DENND2A: variants seen among roughly 807,000 people sequenced by gnomAD.
DENND2A encodes DENN domain containing 2A.
Under a neutral mutation model 105.3 loss-of-function variants are expected in DENND2A, and 53 were observed. The ratio of observed to expected loss-of-function variants is 0.50; its 90% CI spans 0.40 to 0.63. The LOEUF (loss-of-function observed/expected upper bound fraction) is 0.63. DENND2A is among the 30% of genes least tolerant of loss of function. DENND2A has a pLI of 0.00. For missense variants in DENND2A, 1,138 were observed against 1,279.6 expected (o/e 0.89, Z 1.69); for synonymous variants, 522 against 508.4 (o/e 1.03, Z -0.36).
At chr7:140,593,704 C>T (rs1006295542) in intron 3 of DENND2A, among the ~76,000 whole-genome samples, 4 of 152,126 alleles carry the variant, frequency 2.6e-5, no homozygotes, top group African/African-American at 7.2e-5. Context: ...TTACTGCCTA[C>T]GTCTAACTAG....
At chr7:140,593,898 T>C (rs113149894) in intron 3 of DENND2A, among the ~76,000 whole-genome samples, 5,078 of 151,068 alleles carry the variant, frequency 0.034, 151 homozygotes, top group African/African-American at 0.084. Flanking sequence ...AACAAGCAAA[T>C]CTTTTTTTTT....
In DENND2A at chr7:140,568,169, C is replaced by T. The variant is rs180822717; in HGVS notation, c.1591+594G>A. Among the ~76,000 whole-genome samples the T allele has an allele frequency of 2.6e-5, 4 of 152,106 alleles. No homozygotes were observed. The East Asian group carries it at 5.8e-4, about 22-fold the overall frequency. On this transcript the variant is annotated intron_variant, in intron 8 of 19. Transcript: ENST00000496613. Reference sequence around the variant, plus strand: ...GTTGGCCAGGCTGGTCTTGAACTCCCGACCTTGTGATCCACCCGCCTCGGC... The same window carrying T: ...GTTGGCCAGGCTGGTCTTGAACTCCTGACCTTGTGATCCACCCGCCTCGGC...
At chr7:140,553,709 A>C (rs1176448057) in intron 12 of DENND2A, among the ~76,000 whole-genome samples, 3 of 152,218 alleles carry the variant, frequency 2.0e-5, no homozygotes, top group Non-Finnish European at 4.4e-5. Flanking sequence ...CTTAACGAGC[A>C]TGCTGCCTTC....
intron 12 of DENND2A, among the ~76,000 whole-genome samples, chr7:140,547,755 AGT>A (rs1195613392): frequency 6.6e-6 from 1 of 152,232 alleles, no homozygotes; most frequent in Non-Finnish European, 1.5e-5. Flanking sequence ...TAACTGATGA[AGT>A]GATAAACAAA....
intron 1 of DENND2A, among the ~76,000 whole-genome samples, chr7:140,610,356 G>A (rs1386790002): frequency 6.6e-6 from 1 of 151,012 alleles, no homozygotes; most frequent in Non-Finnish European, 1.5e-5. Context: ...TGGGTACTGC[G>A]GTCTACTCTC....
At chr7:140,556,050 A>G (rs1428483182) in intron 11 of DENND2A, among the ~76,000 whole-genome samples, 2 of 151,974 alleles carry the variant, frequency 1.3e-5, no homozygotes, top group Non-Finnish European at 2.9e-5. Flanking sequence ...ATGGAGTCTC[A>G]CTCTGTCACC....
intron 1 of DENND2A, among the ~76,000 whole-genome samples, chr7:140,608,282 GA>G (rs1799764517): frequency 6.6e-6 from 1 of 152,174 alleles, no homozygotes; most frequent in Non-Finnish European, 1.5e-5. Context: ...GAACCCCCCT[GA>G]ACACTCAGCA....
At chr7:140,609,128 G>A (rs937468073) in intron 1 of DENND2A, among the ~76,000 whole-genome samples, 1 of 152,122 alleles carries the variant, frequency 6.6e-6, no homozygotes, top group Non-Finnish European at 1.5e-5. Flanking sequence ...GAGAGATAAT[G>A]GTATGATTGA....
At chr7:140,573,724 T>C in intron 6 of DENND2A, 84 bp downstream of exon 6, 1 of 1,443,718 alleles carries the variant, frequency 6.9e-7, no homozygotes, top group Non-Finnish European at 9.5e-7. Flanking sequence ...CAGTGATGTA[T>C]TCTCCACCCA....
At chr7:140,597,030 G>C (rs1483044421) in intron 3 of DENND2A, among the ~76,000 whole-genome samples, 1 of 151,748 alleles carries the variant, frequency 6.6e-6, no homozygotes, top group African/African-American at 2.4e-5. Context: ...TAATTTCCTG[G>C]GGCTTTAAAG....
intron 1 of DENND2A, among the ~76,000 whole-genome samples, chr7:140,622,935 T>C (rs928888011): frequency 1.3e-5 from 2 of 152,194 alleles, no homozygotes; most frequent in African/African-American, 4.8e-5. Flanking sequence ...CTTTGGCTGC[T>C]AAGTAAACTA....
chr7:140,620,946 A>T (rs937695887), intron 1 of DENND2A, among the ~76,000 whole-genome samples: 1 of 152,334 alleles, frequency 6.6e-6, no homozygotes, highest in Non-Finnish European at 1.5e-5. Flanking sequence ...TGTCACTCAG[A>T]TATCAACATT....
At chr7:140,622,133 C>T (rs1306629987) in intron 1 of DENND2A, among the ~76,000 whole-genome samples, 1 of 152,128 alleles carries the variant, frequency 6.6e-6, no homozygotes, top group African/African-American at 2.4e-5. Context: ...CGTGGTGGCT[C>T]ATGCCTGTGA....
intron 2 of DENND2A, among the ~76,000 whole-genome samples, chr7:140,603,254 C>A (rs1186461078): frequency 6.6e-6 from 1 of 151,936 alleles, no homozygotes; most frequent in Non-Finnish European, 1.5e-5. Context: ...CCACTGCACT[C>A]CAGCCTGGGC....
rs190996317 is a variant in DENND2A at position 140,604,296 on chromosome 7, G to T, written c.-146+1409C>A. Among the ~76,000 whole-genome samples the T allele has an allele frequency of 4.6e-5, 7 of 152,308 alleles. No individual in the cohort carries two copies. The East Asian group carries it at 1.3e-3, about 29-fold the overall frequency. ...GTGGAGACATTAGCACATAAATTAC[G>T]CCACTGTTCTTGGTTGCATGGCATA... On this transcript the variant is annotated intron_variant, in intron 2 of 19. Coordinates refer to ENST00000496613, the MANE Select transcript of DENND2A (RefSeq NM_015689.5).
At chr7:140,605,976 G>A (rs1292629246) in intron 1 of DENND2A, among the ~76,000 whole-genome samples, 170 bp from the exon 2 acceptor site, 1 of 152,130 alleles carries the variant, frequency 6.6e-6, no homozygotes, top group Non-Finnish European at 1.5e-5. Flanking sequence ...AAGTAAAGTG[G>A]GGGTGCAATC....
intron 12 of DENND2A, among the ~76,000 whole-genome samples, chr7:140,549,089 CTATATTCCCAGA>C (rs1797016435): frequency 6.6e-6 from 1 of 151,650 alleles, no homozygotes; most frequent in South Asian, 2.1e-4. Flanking sequence ...TGGTGGCAGG[CTATATTCCCAGA>C]TATATTCCCA....
chr7:140,577,228 G>A (rs1423126148), intron 5 of DENND2A, among the ~76,000 whole-genome samples: 1 of 152,154 alleles, frequency 6.6e-6, no homozygotes, highest in Non-Finnish European at 1.5e-5. Flanking sequence ...AGTACTATCT[G>A]AGAATAGTGG....
chr7:140,519,494 C>G (rs1278376849), intron 19 of DENND2A, 138 bp downstream of exon 19: 10 of 642,020 alleles, frequency 1.6e-5, no homozygotes, highest in Non-Finnish European at 2.4e-5. Flanking sequence ...GGTTAAAATG[C>G]CAGTAGCATC....
Sources: allele counts gnomAD v4.1 joint callset (sites outside exome capture counted in the v4.1 genomes callset), GRCh38; gene constraint gnomAD v4.1.1; transcripts MANE v1.5; gene names NCBI Gene and HGNC (gene_info 2026-07-23, HGNC 2026-07-21).